Variants in CCNY observed in about 807,000 individuals in gnomAD.
CCNY encodes cyclin-Y.
Under a neutral mutation model 42.8 loss-of-function variants are expected in CCNY, and 19 were observed. The ratio of observed to expected loss-of-function variants is 0.44; its 90% CI spans 0.31 to 0.65. The LOEUF (loss-of-function observed/expected upper bound fraction) is 0.65. CCNY is among the 30% of genes least tolerant of loss of function. The probability of loss-of-function intolerance (pLI) is 0.07; values close to 1 mark genes in which losing one functional copy is unlikely to be tolerated. For synonymous variants in CCNY, 165 were observed against 162.7 expected (o/e 1.01, Z -0.11); for missense variants, 370 against 437.3 (o/e 0.85, Z 1.37).
At chr10:35,360,288 C>CT (rs5784449) in intron 1 of CCNY, among the ~76,000 whole-genome samples, 19 of 99,882 alleles carry the variant, frequency 1.9e-4, no homozygotes, top group South Asian at 3.4e-4. Flanking sequence ...CTTTTCTTTT[C>CT]TTTTTTTTTT....
At chr10:35,328,417 T>C (rs1486114083) in intron 3 of CCNY, among the ~76,000 whole-genome samples, 1 of 152,206 alleles carries the variant, frequency 6.6e-6, no homozygotes, top group Non-Finnish European at 1.5e-5. Flanking sequence ...TTCATTGTTT[T>C]TCCTGGCATT....
chr10:35,441,714 T>G (rs1838673532), intron 1 of CCNY, among the ~76,000 whole-genome samples: 2 of 152,144 alleles, frequency 1.3e-5, no homozygotes, highest in South Asian at 4.2e-4. Flanking sequence ...GCCACTGCAC[T>G]CCAGCCTGGG....
At chr10:35,426,950 C>T (rs1838286264) in intron 1 of CCNY, among the ~76,000 whole-genome samples, 1 of 152,218 alleles carries the variant, frequency 6.6e-6, no homozygotes, top group Admixed American at 6.5e-5. Context: ...CTTTGTGCCT[C>T]TGGGCTCCCT....
intron 3 of CCNY, among the ~76,000 whole-genome samples, chr10:35,253,341 C>T (rs2095713241): frequency 6.6e-6 from 1 of 151,806 alleles, no homozygotes; most frequent in Admixed American, 6.6e-5. Flanking sequence ...CATCCAGCTC[C>T]TGGGCTCAAG....
chr10:35,409,823 C>T (rs377153888), intron 1 of CCNY, among the ~76,000 whole-genome samples: 38 of 152,218 alleles, frequency 2.5e-4, no homozygotes, highest in African/African-American at 8.4e-4. Context: ...AGCATGATCA[C>T]GGCACACTGC....
intron 1 of CCNY, among the ~76,000 whole-genome samples, chr10:35,344,496 C>T (rs1324448425): frequency 6.6e-6 from 1 of 152,156 alleles, no homozygotes; most frequent in African/African-American, 2.4e-5. Context: ...TCAAGACCAT[C>T]CTGGCTAACA....
chr10:35,429,704 G>T (rs1018531920), intron 1 of CCNY, among the ~76,000 whole-genome samples: 1 of 152,138 alleles, frequency 6.6e-6, no homozygotes, highest in Non-Finnish European at 1.5e-5. Flanking sequence ...TGCATTTGTG[G>T]TTGCTGTTAT....
intron 1 of CCNY, among the ~76,000 whole-genome samples, chr10:35,362,752 G>T (rs538280235): frequency 6.7e-6 from 1 of 148,600 alleles, no homozygotes; most frequent in African/African-American, 2.5e-5. Flanking sequence ...CTGCGGCCAG[G>T]CAGAGGCGCT....
intron 1 of CCNY, among the ~76,000 whole-genome samples, chr10:35,360,288 C>CTTT (rs5784449): frequency 2.0e-5 from 2 of 99,898 alleles, no homozygotes; most frequent in Non-Finnish European, 4.2e-5. Flanking sequence ...CTTTTCTTTT[C>CTTT]TTTTTTTTTT....
chr10:35,421,719 G>A (rs530143868), intron 1 of CCNY, among the ~76,000 whole-genome samples: 15 of 152,048 alleles, frequency 9.9e-5, no homozygotes, highest in Admixed American at 3.9e-4. Flanking sequence ...CCAGGATGCC[G>A]TTCCCTACAG....
intron 3 of CCNY, among the ~76,000 whole-genome samples, chr10:35,274,593 A>G (rs1043354958): frequency 2.6e-5 from 4 of 152,162 alleles, no homozygotes. Flanking sequence ...AGGTCCAATT[A>G]GCACTAGGTC....
intron 1 of CCNY, among the ~76,000 whole-genome samples, chr10:35,434,500 A>G (rs1838483025): frequency 6.6e-6 from 1 of 152,198 alleles, no homozygotes; most frequent in African/African-American, 2.4e-5. Context: ...AGAGACTTGC[A>G]TTATTTGACA....
At chr10:35,567,951 G>A (rs978341445) in intron 9 of CCNY, among the ~76,000 whole-genome samples, 5 of 152,244 alleles carry the variant, frequency 3.3e-5, no homozygotes, top group East Asian at 1.9e-4. Context: ...TGAAACCTTC[G>A]CAAGCACAGA....
chr10:35,563,256 C>T (rs1197053100), intron 8 of CCNY, among the ~76,000 whole-genome samples: 3 of 152,130 alleles, frequency 2.0e-5, no homozygotes, highest in African/African-American at 7.2e-5. Flanking sequence ...TTTCCCAAAG[C>T]TTAACCAGAA....
chr10:35,513,055 A>G (rs1251148229), intron 3 of CCNY, among the ~76,000 whole-genome samples: 2 of 152,200 alleles, frequency 1.3e-5, no homozygotes, highest in African/African-American at 2.4e-5. Context: ...TAACTCTTCA[A>G]TAAAATCTTC....
intron 1 of CCNY, among the ~76,000 whole-genome samples, chr10:35,421,091 G>A (rs1268872295): frequency 6.6e-6 from 1 of 152,198 alleles, no homozygotes; most frequent in African/African-American, 2.4e-5. Flanking sequence ...CTGCTTTGGG[G>A]TGGGATTTTG....
intron 3 of CCNY, among the ~76,000 whole-genome samples, chr10:35,296,652 C>T (rs1835475147): frequency 6.6e-6 from 1 of 151,970 alleles, no homozygotes; most frequent in Admixed American, 6.6e-5. Flanking sequence ...ATGAAATTAC[C>T]ACCATCTGCA....
In CCNY at chr10:35,530,674, A is replaced by G. The variant is rs926375678; in HGVS notation, c.579+431A>G. Among the ~76,000 whole-genome samples, 4 of 152,192 alleles carry G rather than the reference A, an allele frequency of 2.6e-5. No homozygotes were observed. Among genetic ancestry groups the G allele is most frequent in the Non-Finnish European group, 5.9e-5 (4 of 68,038 alleles). ...AACACTTGTCTAGGAAGGAGTGTGT[A>G]TATTCCTAGCTTCTGTTTTGTGACT... On this transcript the variant is annotated intron_variant, in intron 7 of 9. Coordinates refer to ENST00000374704, the MANE Select transcript of CCNY (RefSeq NM_145012.6). This position sits in a 1 kb window ranked among gnomAD's most constrained non-coding sequence, Gnocchi z 4.3.
chr10:35,426,105 GCACGCGCACACACACACACACACACA>G (rs1838260946), intron 1 of CCNY, among the ~76,000 whole-genome samples: 1 of 57,970 alleles, frequency 1.7e-5, no homozygotes. Flanking sequence ...CACTGGTCCA[GCACGCGCACACACACACACACACACA>G]CACACACACA....
Sources: allele counts gnomAD v4.1 joint callset (sites outside exome capture counted in the v4.1 genomes callset), GRCh38; gene constraint gnomAD v4.1.1; non-coding constraint Gnocchi (gnomAD v3.1); transcripts MANE v1.5; gene names NCBI Gene and HGNC (gene_info 2026-07-23, HGNC 2026-07-21).